Variants in FBXL7 observed in about 807,000 individuals in gnomAD.
FBXL7 encodes the protein F-box/LRR-repeat protein 7.
In FBXL7, 12 loss-of-function variants were observed where a neutral mutation model predicts 38.3. The observed-to-expected ratio is 0.31, with a 90% CI of 0.20 to 0.51. The LOEUF (loss-of-function observed/expected upper bound fraction) is 0.51, where lower values mean the gene tolerates loss of function less well. Among genes scored for constraint, FBXL7 ranks in the 20% least tolerant of loss-of-function variants. FBXL7 has a pLI of 0.98. For synonymous variants in FBXL7, 297 were observed against 300.9 expected (o/e 0.99, Z 0.13); for missense variants, 567 against 676.4 (o/e 0.84, Z 1.79).
chr5:15,770,142 G>A (rs765417441), intron 2 of FBXL7, among the ~76,000 whole-genome samples: 35 of 152,124 alleles, frequency 2.3e-4, no homozygotes, highest in Non-Finnish European at 4.4e-4. Context: ...AGTATTTAGC[G>A]ATTAAGTCAC....
At chr5:15,734,060 C>A (rs912285732) in intron 2 of FBXL7, among the ~76,000 whole-genome samples, 1 of 150,438 alleles carries the variant, frequency 6.6e-6, no homozygotes, top group Admixed American at 6.7e-5. Flanking sequence ...GGTTGCAGTG[C>A]ACCAAGATTG....
intron 1 of FBXL7, among the ~76,000 whole-genome samples, chr5:15,552,059 CA>C (rs1451331951): frequency 6.6e-6 from 1 of 152,214 alleles, no homozygotes; most frequent in Non-Finnish European, 1.5e-5. Flanking sequence ...GGCACTCTGA[CA>C]TACAGATTGT....
chr5:15,683,567 G>A (rs933116144), intron 2 of FBXL7, among the ~76,000 whole-genome samples: 1 of 152,192 alleles, frequency 6.6e-6, no homozygotes, highest in Non-Finnish European at 1.5e-5. Context: ...AAATTTTAAT[G>A]TATCTAGGAA....
At chr5:15,602,631 T>A (rs1463389180) in intron 1 of FBXL7, among the ~76,000 whole-genome samples, 2 of 152,156 alleles carry the variant, frequency 1.3e-5, no homozygotes, top group African/African-American at 2.4e-5. Flanking sequence ...GCAGTCGTAC[T>A]AAACAATAAT....
chr5:15,753,173 ACTCT>A (rs568458766), intron 2 of FBXL7, among the ~76,000 whole-genome samples: 30 of 151,422 alleles, frequency 2.0e-4, no homozygotes, highest in African/African-American at 2.4e-5. Flanking sequence ...TCTAGGACAC[ACTCT>A]CTCTTTTTTT....
At chr5:15,568,283 G>A (rs1393072237) in intron 1 of FBXL7, among the ~76,000 whole-genome samples, 1 of 152,126 alleles carries the variant, frequency 6.6e-6, no homozygotes, top group East Asian at 1.9e-4. Context: ...TTTAATGATC[G>A]CCATTCTAAC....
intron 2 of FBXL7, among the ~76,000 whole-genome samples, chr5:15,915,739 G>A (rs942463604): frequency 1.3e-5 from 2 of 152,142 alleles, no homozygotes; most frequent in Non-Finnish European, 2.9e-5. Flanking sequence ...ATTTTAGAAA[G>A]TAAACCCTGA....
intron 1 of FBXL7, among the ~76,000 whole-genome samples, chr5:15,572,713 C>G (rs1315140350): frequency 6.6e-6 from 1 of 152,080 alleles, no homozygotes; most frequent in African/African-American, 2.4e-5. Flanking sequence ...GGAACATTGA[C>G]TCAGAAAGCA....
At chr5:15,661,935 G>T (rs1742092902) in intron 2 of FBXL7, among the ~76,000 whole-genome samples, 1 of 152,156 alleles carries the variant, frequency 6.6e-6, no homozygotes, top group South Asian at 2.1e-4. Flanking sequence ...GTTTGTCATT[G>T]ATGGGCATTT....
rs748273001 is a variant in FBXL7, at chr5:15,928,447, G to T, written c.685G>T (p.Ala229Ser). Residue 229 changes from alanine to serine, a missense_variant, in exon 3 of 4, where the codon GCC (alanine) becomes TCC (serine). Coordinates refer to ENST00000504595, the MANE Select transcript of FBXL7 (RefSeq NM_012304.5). This position sits in a 1 kb window ranked among gnomAD's most constrained non-coding sequence, Gnocchi z 4.0. ...AGGCTGTTACAATATCTCCAACGAG[G>T]CCGTCTTTGATGTGGTGTCCCTCTG... The part of the protein sequence containing the change: ...VSGCYNISNE[A>S]VFDVVSLCPN... The T allele has an allele frequency of 1.5e-5, 24 of 1,613,902 alleles. No individual in the cohort carries two copies. The highest frequency in any genetic ancestry group is 3.3e-5 in the Admixed American group (2 of 60,008).
chr5:15,755,936 C>A (rs560372273), intron 2 of FBXL7, among the ~76,000 whole-genome samples: 50 of 152,314 alleles, frequency 3.3e-4, no homozygotes, highest in Non-Finnish European at 4.9e-4. Flanking sequence ...GAGGAGAAGT[C>A]AGAGAGAGAA....
At chr5:15,899,207 C>T (rs569915447) in intron 2 of FBXL7, among the ~76,000 whole-genome samples, 1 of 152,232 alleles carries the variant, frequency 6.6e-6, no homozygotes, top group South Asian at 2.1e-4. Context: ...GCTGGGATTA[C>T]AGGCATGTGC....
At position 15,928,516 on chromosome 5, in the gene FBXL7, A is replaced by C. The variant is rs1259050228; in HGVS notation, c.739+15A>C. ...GGATGTGTCAGGTAAATGGACACTG[A>C]CCTACCAGCTATGGGCCCTCCTGGT... On this transcript the variant is annotated intron_variant, in intron 3 of 3. Coordinates refer to ENST00000504595, the MANE Select transcript of FBXL7 (RefSeq NM_012304.5). The surrounding 1 kb of genome is among the most constrained non-coding windows in gnomAD (Gnocchi z 4.0). 2 of 1,598,862 alleles carry C rather than the reference A, an allele frequency of 1.3e-6. No individual in the cohort carries two copies. Among genetic ancestry groups the C allele is most frequent in the Admixed American group, 3.4e-5 (2 of 59,510 alleles).
At chr5:15,819,687 C>A (rs561019099) in intron 2 of FBXL7, among the ~76,000 whole-genome samples, 1 of 152,094 alleles carries the variant, frequency 6.6e-6, no homozygotes, top group South Asian at 2.1e-4. Context: ...GCATGGAGTG[C>A]GTTTGATATC....
chr5:15,853,614 C>T (rs1739166883), intron 2 of FBXL7, among the ~76,000 whole-genome samples: 1 of 152,150 alleles, frequency 6.6e-6, no homozygotes, highest in South Asian at 2.1e-4. Flanking sequence ...GCATATCATG[C>T]TGTCCTTCAA....
chr5:15,506,650 A>T (rs1257331726), intron 1 of FBXL7, among the ~76,000 whole-genome samples: 3 of 152,160 alleles, frequency 2.0e-5, no homozygotes, highest in East Asian at 3.9e-4. Context: ...GGTTCTGGTG[A>T]GGGCCCTCTT....
At chr5:15,817,456 G>A (rs1004480249) in intron 2 of FBXL7, among the ~76,000 whole-genome samples, 5 of 152,142 alleles carry the variant, frequency 3.3e-5, no homozygotes, top group African/African-American at 9.7e-5. Context: ...ATTATAGGCT[G>A]GGATTTAGAG....
intron 2 of FBXL7, among the ~76,000 whole-genome samples, chr5:15,721,779 TATG>T (rs1452520384): frequency 6.6e-6 from 1 of 152,172 alleles, no homozygotes; most frequent in Non-Finnish European, 1.5e-5. Context: ...TTAGTCTTGC[TATG>T]ATATTTTCCC....
chr5:15,643,112 G>C (rs6896719), intron 2 of FBXL7, among the ~76,000 whole-genome samples: 22,898 of 152,108 alleles, frequency 0.15, 1,802 homozygotes, highest in Non-Finnish European at 0.17. Context: ...GATTTTTTAT[G>C]AACCATGCAA....
Sources: gnomAD v4.1 joint callset for allele counts (sites outside exome capture counted in the v4.1 genomes callset) on GRCh38, gnomAD v4.1.1 for gene constraint, Gnocchi (gnomAD v3.1) non-coding constraint, MANE v1.5 for transcripts, NCBI Gene and HGNC (gene_info 2026-07-23, HGNC 2026-07-21) for gene names.